NYAP2: variants seen among roughly 807,000 people sequenced by gnomAD.
NYAP2 encodes the protein neuronal tyrosine-phosphorylated phosphoinositide-3-kinase adapter 2.
Under a neutral mutation model 50.4 loss-of-function variants are expected in NYAP2, and 23 were observed. That is an observed-to-expected ratio of 0.46 (90% CI 0.33 to 0.65). NYAP2 has a LOEUF of 0.65. Ranked by LOEUF, NYAP2 falls within the 30% of genes least tolerant of loss-of-function variation. NYAP2 has a pLI of 0.02. For synonymous variants in NYAP2, 394 were observed against 365.2 expected (o/e 1.08, Z -0.90); for missense variants, 885 against 861.0 (o/e 1.03, Z -0.35).
At chr2:225,583,903 G>T (rs913389207) in intron 5 of NYAP2, among the ~76,000 whole-genome samples, 1 of 152,148 alleles carries the variant, frequency 6.6e-6, no homozygotes, top group South Asian at 2.1e-4. Context: ...TTAGCCGGGT[G>T]TGGTGGCGGG....
intron 3 of NYAP2, among the ~76,000 whole-genome samples, chr2:225,507,882 G>A (rs575104645): frequency 1.3e-4 from 20 of 152,230 alleles, no homozygotes; most frequent in Non-Finnish European, 2.6e-4. Flanking sequence ...CAGGGATTCA[G>A]TAGCTAATGT....
intron 3 of NYAP2, among the ~76,000 whole-genome samples, chr2:225,437,717 G>C (rs563104992): frequency 8.5e-5 from 13 of 152,292 alleles, no homozygotes; most frequent in African/African-American, 3.1e-4. Context: ...GTAAACATCT[G>C]ATTTAATCAT....
At chr2:225,559,087 G>GT (rs1215397121) in intron 4 of NYAP2, among the ~76,000 whole-genome samples, 1 of 152,018 alleles carries the variant, frequency 6.6e-6, no homozygotes, top group Non-Finnish European at 1.5e-5. Context: ...CTCTGTTTAT[G>GT]TTTTAGAATT....
At chr2:225,572,557 C>A (rs1692092093) in intron 4 of NYAP2, among the ~76,000 whole-genome samples, 1 of 152,176 alleles carries the variant, frequency 6.6e-6, no homozygotes, top group Non-Finnish European at 1.5e-5. Flanking sequence ...CCCCATGATT[C>A]AATTACTTCT....
At chr2:225,595,095 A>G (rs1692573415) in intron 5 of NYAP2, among the ~76,000 whole-genome samples, 1 of 152,232 alleles carries the variant, frequency 6.6e-6, no homozygotes, top group South Asian at 2.1e-4. Flanking sequence ...TTTTCTATAC[A>G]TATTCTACTA....
At chr2:225,690,275 T>A in the NYAP2 span, among the ~76,000 whole-genome samples, 2 of 151,926 alleles carry the variant, frequency 1.3e-5, no homozygotes, top group Non-Finnish European at 2.9e-5. Context: ...ATTAAAAATA[T>A]TTTTTTTCTC....
intron 3 of NYAP2, among the ~76,000 whole-genome samples, chr2:225,443,331 G>A (rs974839716): frequency 6.6e-6 from 1 of 152,188 alleles, no homozygotes; most frequent in Admixed American, 6.5e-5. Context: ...ATAGCAGAAT[G>A]ACAACACCTA....
intron 6 of NYAP2, among the ~76,000 whole-genome samples, chr2:225,639,387 T>A (rs1258396605): frequency 6.6e-6 from 1 of 152,228 alleles, no homozygotes; most frequent in Non-Finnish European, 1.5e-5. Flanking sequence ...TACCAGAGCT[T>A]TTAAAATGCC....
intron 4 of NYAP2, among the ~76,000 whole-genome samples, chr2:225,520,809 G>T (rs1241764075): frequency 1.3e-5 from 2 of 152,182 alleles, no homozygotes; most frequent in Non-Finnish European, 2.9e-5. Context: ...ATTCTGTGAA[G>T]AAAGTCATTG....
At chr2:225,624,978 T>C (rs1693183837) in intron 5 of NYAP2, among the ~76,000 whole-genome samples, 1 of 128,326 alleles carries the variant, frequency 7.8e-6, no homozygotes, top group Non-Finnish European at 1.5e-5. Context: ...CAGATAATGG[T>C]GAACCAAAGT....
rs552028997 is a variant in NYAP2 at position 225,431,248 on chromosome 2, T to A, written c.221+22147T>A. On this transcript the variant is annotated intron_variant, in intron 3 of 6. Transcript: ENST00000636099. ...TTTTAATCCACTTGGATCAAATACA[T>A]CACAGTTACGTGATCTCCATATGCT... Among the ~76,000 whole-genome samples the A allele has an allele frequency of 2.6e-5, 4 of 152,370 alleles. No individual in the cohort carries two copies. The South Asian group carries it at 6.2e-4, about 24-fold the overall frequency.
chr2:225,570,560 C>T (rs1278452731), intron 4 of NYAP2, among the ~76,000 whole-genome samples: 3 of 152,102 alleles, frequency 2.0e-5, no homozygotes, highest in African/African-American at 7.2e-5. Context: ...ATGCCAGATG[C>T]CTATGAAACC....
At chr2:225,544,031 T>C (rs1471611648) in intron 4 of NYAP2, among the ~76,000 whole-genome samples, 1 of 152,090 alleles carries the variant, frequency 6.6e-6, no homozygotes, top group African/African-American at 2.4e-5. Flanking sequence ...TCTCTTCTTA[T>C]AGTTTTTGTC....
At chr2:225,440,424 G>A (rs369466770) in intron 3 of NYAP2, among the ~76,000 whole-genome samples, 2 of 152,144 alleles carry the variant, frequency 1.3e-5, no homozygotes, top group South Asian at 2.1e-4. Context: ...GGGATATGAC[G>A]GTTTGTGTTC....
chr2:225,685,213 T>C, the NYAP2 span, among the ~76,000 whole-genome samples: 1 of 152,218 alleles, frequency 6.6e-6, no homozygotes, highest in Admixed American at 6.5e-5. Flanking sequence ...TTTCTTTTGC[T>C]GGATAAACCA....
intron 4 of NYAP2, among the ~76,000 whole-genome samples, chr2:225,534,928 G>A (rs1691320946): frequency 6.6e-6 from 1 of 152,210 alleles, no homozygotes; most frequent in Non-Finnish European, 1.5e-5. Context: ...CAGAGACACT[G>A]CTATGGAACT....
At chr2:225,452,137 G>T (rs1161711446) in intron 3 of NYAP2, among the ~76,000 whole-genome samples, 1 of 152,182 alleles carries the variant, frequency 6.6e-6, no homozygotes, top group African/African-American at 2.4e-5. Context: ...TTTGCAATAT[G>T]TTATAGCTTT....
chr2:225,575,528 G>A (rs1450858650), intron 4 of NYAP2, among the ~76,000 whole-genome samples: 2 of 152,218 alleles, frequency 1.3e-5, no homozygotes, highest in Admixed American at 6.5e-5. Flanking sequence ...CACTGGGACA[G>A]CTTTACTGAA....
intron 4 of NYAP2, among the ~76,000 whole-genome samples, chr2:225,571,966 A>G (rs1448360543): frequency 2.0e-5 from 3 of 152,202 alleles, no homozygotes; most frequent in African/African-American, 7.2e-5. Flanking sequence ...TCAAGTTCAA[A>G]GTTCCACAGA....
Sources: allele counts gnomAD v4.1 joint callset (sites outside exome capture counted in the v4.1 genomes callset), GRCh38; gene constraint gnomAD v4.1.1; transcripts MANE v1.5; gene names NCBI Gene and HGNC (gene_info 2026-07-23, HGNC 2026-07-21).